KCNB2: variants seen among roughly 807,000 people sequenced by gnomAD.
The protein encoded by KCNB2 is potassium voltage-gated channel subfamily B member 2.
Under a neutral mutation model 61.5 loss-of-function variants are expected in KCNB2, and 15 were observed. The observed-to-expected ratio is 0.24, with a 90% CI of 0.16 to 0.38. The LOEUF is 0.38. Among genes scored for constraint, KCNB2 ranks in the 10% least tolerant of loss-of-function variants. KCNB2 has a pLI of 1.00. For missense variants in KCNB2, 828 were observed against 1,125.2 expected (o/e 0.74, Z 3.78); for synonymous variants, 457 against 446.0 (o/e 1.02, Z -0.31).
intron 2 of KCNB2, among the ~76,000 whole-genome samples, chr8:72,744,918 T>C (rs1808031402): frequency 6.6e-6 from 1 of 152,208 alleles, no homozygotes; most frequent in Non-Finnish European, 1.5e-5. Context: ...AATGGGCTTA[T>C]AGGCTGCCCC....
chr8:72,649,892 CT>C (rs1381130266), intron 2 of KCNB2, among the ~76,000 whole-genome samples: 7 of 152,258 alleles, frequency 4.6e-5, no homozygotes, highest in Admixed American at 1.3e-4. Flanking sequence ...GAAAGGATGA[CT>C]TTTGCATCTC....
At chr8:72,935,027 A>C (rs970126815) in intron 2 of KCNB2, among the ~76,000 whole-genome samples, 1 of 152,004 alleles carries the variant, frequency 6.6e-6, no homozygotes, top group Non-Finnish European at 1.5e-5. Context: ...TGTAATTTTT[A>C]TAACAGCTGC....
chr8:72,600,563 T>G (rs757230787), intron 2 of KCNB2, among the ~76,000 whole-genome samples: 4 of 151,720 alleles, frequency 2.6e-5, no homozygotes, highest in African/African-American at 9.7e-5. Flanking sequence ...CTGTACGTTG[T>G]GTACATGTAC....
chr8:72,599,898 T>C (rs1365993771), intron 2 of KCNB2, among the ~76,000 whole-genome samples: 2 of 152,150 alleles, frequency 1.3e-5, no homozygotes, highest in African/African-American at 4.8e-5. Context: ...CACAATGAGA[T>C]ACCATCTCAC....
chr8:72,607,700 A>G (rs1805475188), intron 2 of KCNB2, among the ~76,000 whole-genome samples: 1 of 152,164 alleles, frequency 6.6e-6, no homozygotes, highest in Non-Finnish European at 1.5e-5. Flanking sequence ...TAGTCTCTAA[A>G]ATTTTATCAT....
At chr8:72,721,604 T>C (rs1807550155) in intron 2 of KCNB2, among the ~76,000 whole-genome samples, 1 of 152,206 alleles carries the variant, frequency 6.6e-6, no homozygotes, top group African/African-American at 2.4e-5. Context: ...GAGCCATTCA[T>C]CCCTGGTGCA....
intron 2 of KCNB2, among the ~76,000 whole-genome samples, chr8:72,637,172 A>G (rs944586249): frequency 6.6e-6 from 1 of 152,168 alleles, no homozygotes; most frequent in African/African-American, 2.4e-5. Context: ...TTCTGCTAAC[A>G]ATAACCAAAC....
chr8:72,672,341 A>G (rs1469685978), intron 2 of KCNB2, among the ~76,000 whole-genome samples: 2 of 152,186 alleles, frequency 1.3e-5, no homozygotes, highest in African/African-American at 4.8e-5. Context: ...CATTTCCCTC[A>G]GGTTAATTAA....
chr8:72,804,500 A>G (rs532927253), intron 2 of KCNB2, among the ~76,000 whole-genome samples: 3 of 152,346 alleles, frequency 2.0e-5, no homozygotes, highest in Non-Finnish European at 4.4e-5. Flanking sequence ...TCTTGTGCTG[A>G]TGAAGATTAA....
At chr8:72,799,459 C>A (rs559981691) in intron 2 of KCNB2, among the ~76,000 whole-genome samples, 8 of 152,146 alleles carry the variant, frequency 5.3e-5, no homozygotes, top group Non-Finnish European at 5.9e-5. Context: ...CAGAACTCCA[C>A]AAAACATAGC....
chr8:72,838,147 G>A (rs769640463), intron 2 of KCNB2, among the ~76,000 whole-genome samples: 1 of 152,072 alleles, frequency 6.6e-6, no homozygotes, highest in Non-Finnish European at 1.5e-5. Context: ...TAAGTTATAG[G>A]TTACACATGC....
intron 2 of KCNB2, among the ~76,000 whole-genome samples, chr8:72,673,435 G>A (rs763743950): frequency 1.5e-4 from 23 of 152,124 alleles, no homozygotes; most frequent in Non-Finnish European, 4.4e-5. Flanking sequence ...AGAAAAACAT[G>A]TTTGTTTTCC....
chr8:72,732,623 C>G (rs1190404754), intron 2 of KCNB2, among the ~76,000 whole-genome samples: 1 of 152,208 alleles, frequency 6.6e-6, no homozygotes, highest in African/African-American at 2.4e-5. Flanking sequence ...ATATTTACAG[C>G]AACTGAGATG....
chr8:72,628,238 G>A (rs1190793591), intron 2 of KCNB2, among the ~76,000 whole-genome samples: 1 of 152,184 alleles, frequency 6.6e-6, no homozygotes, highest in African/African-American at 2.4e-5. Context: ...ACAGGCGTGA[G>A]CCATCACGTC....
At chr8:72,628,893 C>T (rs1402447429) in intron 2 of KCNB2, among the ~76,000 whole-genome samples, 1 of 152,196 alleles carries the variant, frequency 6.6e-6, no homozygotes, top group East Asian at 1.9e-4. Flanking sequence ...CTCCCTTCCT[C>T]CACATCAAAT....
intron 2 of KCNB2, among the ~76,000 whole-genome samples, chr8:72,775,604 C>A (rs1316532425): frequency 2.0e-5 from 3 of 152,074 alleles, no homozygotes; most frequent in Non-Finnish European, 4.4e-5. Flanking sequence ...AGTAAACAAT[C>A]CAATGGCAAC....
At chr8:72,538,908 A>G (rs1806152654) in intron 1 of KCNB2, among the ~76,000 whole-genome samples, 1 of 152,208 alleles carries the variant, frequency 6.6e-6, no homozygotes, top group Non-Finnish European at 1.5e-5. Flanking sequence ...CAATCAATAT[A>G]TTACATTTCA....
intron 2 of KCNB2, among the ~76,000 whole-genome samples, chr8:72,840,067 C>G (rs10100723): frequency 0.15 from 22,918 of 152,046 alleles, 2,359 homozygotes; most frequent in African/African-American, 0.29. Flanking sequence ...CCTAGCCCCC[C>G]ACCCTGCAAC....
At chr8:72,851,826 GAAAAAAAAAAA>G (rs55696554) in intron 2 of KCNB2, among the ~76,000 whole-genome samples, 2 of 43,868 alleles carry the variant, frequency 4.6e-5, no homozygotes, top group Admixed American at 4.2e-4. Context: ...GAAGCTGTAG[GAAAAAAAAAAA>G]AAAAAAAAAA....
Sources: gnomAD v4.1 joint callset for allele counts (sites outside exome capture counted in the v4.1 genomes callset) on GRCh38, gnomAD v4.1.1 for gene constraint, MANE v1.5 for transcripts, NCBI Gene and HGNC (gene_info 2026-07-23, HGNC 2026-07-21) for gene names.